DHRSX: variants seen among roughly 807,000 people sequenced by gnomAD.
DHRSX encodes the protein polyprenol dehydrogenase.
A neutral mutation model predicts 34.0 loss-of-function variants in DHRSX; 31 were observed. That is an observed-to-expected ratio of 0.91 (90% confidence interval 0.69 to 1.23). The LOEUF (loss-of-function observed/expected upper bound fraction) is 1.23, where lower values mean the gene tolerates loss of function less well. Among genes scored for constraint, DHRSX ranks in the 50% most tolerant of loss-of-function variants. DHRSX has a pLI of 0.00. For synonymous variants in DHRSX, 201 were observed against 183.8 expected (o/e 1.09, Z -0.76); for missense variants, 414 against 428.1 (o/e 0.97, Z 0.29).
chrX:2,429,914 A>G (rs1427449129), intron 1 of DHRSX, among the ~76,000 whole-genome samples: 2 of 152,198 alleles, frequency 1.3e-5, no homozygotes, highest in Admixed American at 1.3e-4. Flanking sequence ...AGAATTCAGG[A>G]AGGTAGTCAG....
intron 3 of DHRSX, among the ~76,000 whole-genome samples, chrX:2,396,502 C>T (rs1269527502): frequency 1.1e-4 from 16 of 151,078 alleles, no homozygotes; most frequent in East Asian, 2.0e-4. Context: ...CTCAGCCTCC[C>T]GAGGAGCTGG....
In DHRSX at chrX:2,358,586, T is replaced by C. The variant is rs900176778; in HGVS notation, c.286+50159A>G. On this transcript the variant is annotated intron_variant, in intron 3 of 6. Coordinates refer to ENST00000334651, the MANE Select transcript of DHRSX (RefSeq NM_145177.3). ...TGGTGGCGGGGTTGAGGGCTTGATA[T>C]GTGGGAGGCATATTACTAAACAATT... is the stretch of plus-strand genomic sequence containing the variant. Among the ~76,000 whole-genome samples, 8 of 152,200 alleles carry C rather than the reference T, an allele frequency of 5.3e-5. No individual in the cohort carries two copies. The East Asian group carries it at 1.4e-3, about 26-fold the overall frequency.
chrX:2,352,080 A>T (rs1038428312), intron 3 of DHRSX, among the ~76,000 whole-genome samples: 3 of 152,000 alleles, frequency 2.0e-5, no homozygotes, highest in African/African-American at 7.2e-5. Flanking sequence ...GCACCATTGG[A>T]CAACCACAAT....
At chrX:2,386,443 T>A (rs2043273390) in intron 3 of DHRSX, among the ~76,000 whole-genome samples, 1 of 152,164 alleles carries the variant, frequency 6.6e-6, no homozygotes, top group Non-Finnish European at 1.5e-5. Flanking sequence ...GGTCTCGAAC[T>A]CTGGACCTCA....
chrX:2,459,919 C>G (rs1019133838), intron 1 of DHRSX, among the ~76,000 whole-genome samples: 1 of 151,854 alleles, frequency 6.6e-6, no homozygotes. Context: ...AACAGCAAGG[C>G]CAATATGCTG....
intron 3 of DHRSX, among the ~76,000 whole-genome samples, chrX:2,359,152 G>C (rs185943506): frequency 4.5e-4 from 69 of 152,262 alleles, no homozygotes; most frequent in African/African-American, 1.6e-3. Flanking sequence ...ACTGTTGGCG[G>C]GAGTGTAAAT....
intron 3 of DHRSX, among the ~76,000 whole-genome samples, chrX:2,368,549 CT>C (rs1220449491): frequency 1.3e-5 from 2 of 152,054 alleles, no homozygotes; most frequent in Non-Finnish European, 2.9e-5. Flanking sequence ...CGGGTATTTA[CT>C]CATTAAGAAT....
chrX:2,229,916 T>C (rs1396224604), intron 6 of DHRSX, among the ~76,000 whole-genome samples: 1 of 152,158 alleles, frequency 6.6e-6, no homozygotes, highest in Non-Finnish European at 1.5e-5. Context: ...TGTACGTACA[T>C]GCATGTGCAT....
chrX:2,265,921 C>T (rs1329722108), intron 5 of DHRSX, among the ~76,000 whole-genome samples: 11 of 133,636 alleles, frequency 8.2e-5, no homozygotes, highest in East Asian at 2.4e-4. Flanking sequence ...CACCAGTGCT[C>T]GGCAGATGCA....
At chrX:2,330,988 G>A (rs2042465437) in intron 3 of DHRSX, among the ~76,000 whole-genome samples, 1 of 152,122 alleles carries the variant, frequency 6.6e-6, no homozygotes, top group Non-Finnish European at 1.5e-5. Flanking sequence ...AATGTTGAGC[G>A]ACCCGCAAAC....
chrX:2,426,908 T>C (rs2043857769), intron 1 of DHRSX, among the ~76,000 whole-genome samples: 1 of 151,974 alleles, frequency 6.6e-6, no homozygotes, highest in Non-Finnish European at 1.5e-5. Context: ...CCTTCTTTTA[T>C]AAAATATGTG....
At chrX:2,228,745 G>A (rs1355718570) in intron 6 of DHRSX, among the ~76,000 whole-genome samples, 2 of 151,994 alleles carry the variant, frequency 1.3e-5, no homozygotes, top group Non-Finnish European at 2.9e-5. Context: ...TTTTGTTAGA[G>A]CTCCTGTTCT....
At chrX:2,230,208 T>C (rs1211788186) in intron 6 of DHRSX, among the ~76,000 whole-genome samples, 1 of 132,204 alleles carries the variant, frequency 7.6e-6, no homozygotes, top group African/African-American at 2.7e-5. Context: ...TGTGTATTTG[T>C]ACATGTGTGC....
rs1324638835 is a variant in DHRSX at position 2,369,474 on chromosome X, T to A, written c.286+39271A>T. Among the ~76,000 whole-genome samples, 7 of 145,660 alleles carry A rather than the reference T, an allele frequency of 4.8e-5. No homozygotes were observed. The Admixed American group carries it at 4.8e-4, about 10-fold the overall frequency. On this transcript the variant is annotated intron_variant, in intron 3 of 6. Transcript: ENST00000334651. The stretch of plus-strand genomic sequence containing the variant: ...CGTGAGGGGCTAAGGGACTCTCCTA[T>A]GTGTTTAGTTTTTGTTTTTTTTTGT...
chrX:2,331,448 T>G lies in DHRSX; in HGVS notation c.287-39845A>C, dbSNP rs1287366395. 2.2e-5 allele frequency among the ~76,000 whole-genome samples: 3 copies of G among 134,100 alleles called. No homozygotes were observed. The South Asian group carries it at 7.7e-4, about 34-fold the overall frequency. 88.0% of individuals were successfully genotyped at this position (134,100 alleles called of 152,430 possible). ...GGAAGGTTTTTTGGTTTTTTTTTTT[T>G]TTTTTTTTTTTTTTTTGAGACGGAG... On this transcript the variant is annotated intron_variant, in intron 3 of 6. Coordinates refer to ENST00000334651, the MANE Select transcript of DHRSX (RefSeq NM_145177.3).
chrX:2,306,610 G>A (rs1377564746), intron 3 of DHRSX, among the ~76,000 whole-genome samples: 13 of 151,976 alleles, frequency 8.6e-5, no homozygotes, highest in African/African-American at 2.9e-4. Context: ...GCACCACCAC[G>A]CCTGGCTAAT....
chrX:2,431,041 G>A (rs1170980275), intron 1 of DHRSX, among the ~76,000 whole-genome samples: 1 of 145,020 alleles, frequency 6.9e-6, no homozygotes, highest in Non-Finnish European at 1.5e-5. Flanking sequence ...ACAAAAAAAA[G>A]ACGGCCGGGC....
chrX:2,230,251 G>A (rs188185893), intron 6 of DHRSX, among the ~76,000 whole-genome samples: 3,695 of 152,270 alleles, frequency 0.024, 132 homozygotes, highest in African/African-American at 0.081. Flanking sequence ...ACATGTGTAC[G>A]TGCACACACG....
chrX:2,314,312 G>A (rs868370961), intron 3 of DHRSX, among the ~76,000 whole-genome samples: 3 of 52,398 alleles, frequency 5.7e-5, no homozygotes, highest in Non-Finnish European at 8.1e-5. Context: ...GGGAAGGAGG[G>A]AGGCAGGGAG....
Sources: allele counts gnomAD v4.1 joint callset (sites outside exome capture counted in the v4.1 genomes callset), GRCh38; gene constraint gnomAD v4.1.1; transcripts MANE v1.5; gene names NCBI Gene and HGNC (gene_info 2026-07-23, HGNC 2026-07-21).